The following CACNA2D2 variants were observed in gnomAD, a reference collection of about 807,000 sequenced individuals.
CACNA2D2 encodes voltage-dependent calcium channel subunit alpha-2/delta-2.
Under a neutral mutation model 166.4 loss-of-function variants are expected in CACNA2D2, and 48 were observed. The ratio of observed to expected loss-of-function variants is 0.29; its 90% confidence interval spans 0.23 to 0.37. The LOEUF is 0.37. Among genes scored for constraint, CACNA2D2 ranks in the 10% least tolerant of loss-of-function variants. CACNA2D2 has a pLI of 1.00. For missense variants in CACNA2D2, 1,122 were observed against 1,433.0 expected, an observed-to-expected ratio of 0.78 and a Z score of 3.50; for synonymous variants, 561 against 573.7, an observed-to-expected ratio of 0.98 and a Z score of 0.32.
chr3:50,380,169 C>T lies in CACNA2D2; in HGVS notation c.843-151G>A, dbSNP rs994611286. 1.6e-5 allele frequency: 12 copies of T among 748,630 alleles called. No homozygotes were observed. The highest frequency in any genetic ancestry group is 5.4e-5 in the East Asian group (2 of 37,180). 46.4% of individuals were successfully genotyped at this position (748,630 alleles called of 1,614,324 possible). A position where few individuals can be genotyped will look rare whatever the true frequency, so the allele number is the denominator to read the frequency against. On this transcript the variant is annotated intron_variant, in intron 8 of 37. Transcript: ENST00000424201. This position sits in a 1 kb window ranked among gnomAD's most constrained non-coding sequence, Gnocchi z 4.9. ...TATGCACCGATGATACCACATTTAA[C>T]GAAACAGACACAGTCCTTGCCCATG...
intron 2 of CACNA2D2, among the ~76,000 whole-genome samples, chr3:50,437,967 C>T (rs1708425413): frequency 6.6e-6 from 1 of 152,232 alleles, no homozygotes; most frequent in African/African-American, 2.4e-5. Flanking sequence ...CCCACCTCTG[C>T]TGGACTAAGG....
At chr3:50,368,672 GT>G (rs1704487579) in intron 23 of CACNA2D2, among the ~76,000 whole-genome samples, 1 of 152,242 alleles carries the variant, frequency 6.6e-6, no homozygotes, top group African/African-American at 2.4e-5. Flanking sequence ...CTTCCTGGCT[GT>G]GTGCCGTTAG....
At chr3:50,445,394 T>A (rs1272841010) in intron 2 of CACNA2D2, among the ~76,000 whole-genome samples, 1 of 152,208 alleles carries the variant, frequency 6.6e-6, no homozygotes, top group Non-Finnish European at 1.5e-5. Flanking sequence ...TCACTGTGAA[T>A]GTGCAAGCAA....
chr3:50,393,460 T>C (rs1015842241), intron 4 of CACNA2D2, among the ~76,000 whole-genome samples: 5 of 152,212 alleles, frequency 3.3e-5, no homozygotes, highest in Admixed American at 2.6e-4. Context: ...CCAGGCAAAA[T>C]CAAACACAGC....
rs142619921 is a variant in CACNA2D2, at chr3:50,364,998, C to A, written c.3209-28G>T. On this transcript the variant is annotated intron_variant, in intron 36 of 37. Coordinates refer to ENST00000424201, the MANE Select transcript of CACNA2D2 (RefSeq NM_006030.4). ...GGGCATGGGTGGGGAGTCAAGGAGG[C>A]GGACGGCGGCGGCGGCACGGAGGGG... The A allele has an allele frequency of 3.4e-5, 54 of 1,583,048 alleles. No homozygotes were observed. The African/African-American group carries it at 6.5e-4, about 19-fold the overall frequency.
chr3:50,406,216 C>T (rs557207497), intron 3 of CACNA2D2, among the ~76,000 whole-genome samples: 25 of 151,948 alleles, frequency 1.6e-4, no homozygotes, highest in African/African-American at 5.5e-4. Context: ...GGCACAGAGG[C>T]AATCAGCCTG....
At chr3:50,377,427 A>G (rs770521758) in intron 17 of CACNA2D2, 40 bp downstream of exon 17, 1 of 1,530,298 alleles carries the variant, frequency 6.5e-7, no homozygotes. Context: ...CTGTGTCCAC[A>G]TGGGAGGCAG....
intron 1 of CACNA2D2, among the ~76,000 whole-genome samples, chr3:50,501,909 C>G: frequency 6.6e-6 from 1 of 152,166 alleles, no homozygotes; most frequent in African/African-American, 2.4e-5. Flanking sequence ...AAAATCCAGA[C>G]GGTTGACAGA....
chr3:50,504,104 T>C (rs1699101573), upstream of CACNA2D2: 1 of 152,298 alleles, frequency 6.6e-6, no homozygotes, highest in Non-Finnish European at 1.5e-5. Flanking sequence ...AAGATTTCTC[T>C]CTGTCGGGGG....
In CACNA2D2 at chr3:50,367,154, A is replaced by ACTGACCACT; in HGVS notation, c.2402-54_2402-46dup. The ACTGACCACT allele has an allele frequency of 6.9e-7, 1 of 1,438,966 alleles. No homozygotes were observed. Among genetic ancestry groups the ACTGACCACT allele is most frequent in the Non-Finnish European group, 9.7e-7 (1 of 1,028,020 alleles). The allele number at this position is 1,438,966 out of a possible 1,614,324, so 89.1% of individuals were successfully genotyped here. The stretch of plus-strand genomic sequence containing the variant: ...GTCAGGAGTGGGGTCTGGCGGCCAC[A>ACTGACCACT]CTGACCACTCTATGCTGGGTCCTAC... On this transcript the variant is annotated intron_variant, in intron 27 of 37. Transcript: ENST00000424201. The surrounding 1 kb of genome is among the most constrained non-coding windows in gnomAD (Gnocchi z 6.5).
intron 1 of CACNA2D2, among the ~76,000 whole-genome samples, chr3:50,483,163 G>A (rs1292401286): frequency 2.0e-5 from 3 of 152,198 alleles, no homozygotes; most frequent in Non-Finnish European, 4.4e-5. Flanking sequence ...AGAACTCAAG[G>A]GGGGCTGGCC....
Position 50,366,112 on chromosome 3 carries a change from T to A in CACNA2D2, c.2761A>T (p.Asn921Tyr). 1.2e-6 allele frequency: 2 copies of A among 1,613,942 alleles called. No homozygotes were observed. The highest frequency in any genetic ancestry group is 1.7e-6 in the Non-Finnish European group (2 of 1,179,988). The stretch of plus-strand genomic sequence containing the variant: ...TCCTTGCGGGTGTAGAAGGAGTTAT[T>A]GTAGAGTGCCAGCATCAGGTTGGCA... ...VDANLMLALYNNSFYTRKESY... is the reference protein window; with the variant it reads ...VDANLMLALYYNSFYTRKESY... Residue 921 changes from asparagine to tyrosine, a missense_variant, in exon 32 of 38, where the codon AAT (asparagine) becomes TAT (tyrosine). By Grantham distance (143) the Asn-to-Tyr change is moderately radical. Around this residue, in one of 2 missense-constraint regions of CACNA2D2, gnomAD observed 840 missense variants for 1,166.8 expected, o/e 0.72. Coordinates refer to ENST00000424201, the MANE Select transcript of CACNA2D2 (RefSeq NM_006030.4). This position sits in a 1 kb window ranked among gnomAD's most constrained non-coding sequence, Gnocchi z 5.9.
intron 2 of CACNA2D2, among the ~76,000 whole-genome samples, chr3:50,468,275 C>A (rs1419393628): frequency 6.6e-6 from 1 of 152,176 alleles, no homozygotes; most frequent in African/African-American, 2.4e-5. Flanking sequence ...CCTGGCTACT[C>A]TTCAACAAGA....
At chr3:50,384,702 G>A (rs1009485444) in intron 5 of CACNA2D2, among the ~76,000 whole-genome samples, 3 of 152,240 alleles carry the variant, frequency 2.0e-5, no homozygotes, top group Non-Finnish European at 4.4e-5. Context: ...CCAGAATTCT[G>A]CTTACAAGGA....
intron 23 of CACNA2D2, among the ~76,000 whole-genome samples, chr3:50,368,575 T>C (rs1372788946): frequency 1.3e-5 from 2 of 152,200 alleles, no homozygotes. Flanking sequence ...CTCATCCACG[T>C]GTATGCCCTA....
At position 50,380,862 on chromosome 3, in the gene CACNA2D2, A is replaced by C. The variant is rs1575604783; in HGVS notation, c.785-57T>G. 2 of 1,530,728 alleles carry C rather than the reference A, an allele frequency of 1.3e-6. No individual in the cohort carries two copies. Among genetic ancestry groups the C allele is most frequent in the Middle Eastern group, 3.6e-4 (2 of 5,618 alleles). 94.8% of individuals were successfully genotyped at this position (1,530,728 alleles called of 1,614,324 possible). ...CAGGAAAGGGCTGGCCTGGGTAGGC[A>C]GACCTTGCAGAGGCGACTGGGCTGC... On this transcript the variant is annotated intron_variant, in intron 7 of 37. Coordinates refer to ENST00000424201, the MANE Select transcript of CACNA2D2 (RefSeq NM_006030.4). The surrounding 1 kb of genome is among the most constrained non-coding windows in gnomAD (Gnocchi z 4.9).
At position 50,376,236 on chromosome 3, in the gene CACNA2D2, T is replaced by A; in HGVS notation, c.1627-48A>T. The A allele has an allele frequency of 1.3e-6, 2 of 1,583,088 alleles. No homozygotes were observed. The highest frequency in any genetic ancestry group is 1.7e-6 in the Non-Finnish European group (2 of 1,155,464). On this transcript the variant is annotated intron_variant, in intron 17 of 37. Coordinates refer to ENST00000424201, the MANE Select transcript of CACNA2D2 (RefSeq NM_006030.4). The surrounding 1 kb of genome is among the most constrained non-coding windows in gnomAD (Gnocchi z 4.3). The stretch of plus-strand genomic sequence containing the variant: ...CAGGGTCTGGAGGGATGGGCTGGGG[T>A]TCCCTGGGCTCCGGAGTTCTTCCCT...
intron 2 of CACNA2D2, among the ~76,000 whole-genome samples, chr3:50,448,061 C>T (rs1445624505): frequency 2.6e-5 from 4 of 152,138 alleles, no homozygotes; most frequent in African/African-American, 9.7e-5. Flanking sequence ...CTCTGAGTTG[C>T]TATCACTTCC....
chr3:50,474,839 A>G (rs1191918476), intron 2 of CACNA2D2, among the ~76,000 whole-genome samples: 1 of 152,118 alleles, frequency 6.6e-6, no homozygotes, highest in Non-Finnish European at 1.5e-5. Context: ...CTTTTTCTAC[A>G]GCACTTTCTC....
Sources: gnomAD v4.1 joint callset for allele counts (sites outside exome capture counted in the v4.1 genomes callset) on GRCh38, gnomAD v4.1.1 for gene constraint, gnomAD v4.1.1 regional missense constraint, Gnocchi (gnomAD v3.1) non-coding constraint, MANE v1.5 for transcripts, NCBI Gene and HGNC (gene_info 2026-07-23, HGNC 2026-07-21) for gene names.